The following ZDHHC17 variants were observed in gnomAD, a reference collection of about 807,000 sequenced individuals.
ZDHHC17 encodes the protein palmitoyltransferase ZDHHC17.
ZDHHC17 carries 40 observed loss-of-function variants against 90.3 expected under a neutral mutation model. That is an observed-to-expected ratio of 0.44 (90% confidence interval 0.34 to 0.58). ZDHHC17 has a LOEUF of 0.58. Ranked by LOEUF, ZDHHC17 falls within the 20% of genes least tolerant of loss-of-function variation. The pLI is 0.01. For missense variants in ZDHHC17, 614 were observed against 780.8 expected, an observed-to-expected ratio of 0.79 and a Z score of 2.55; for synonymous variants, 235 against 252.4, an observed-to-expected ratio of 0.93 and a Z score of 0.65.
intron 1 of ZDHHC17, among the ~76,000 whole-genome samples, chr12:76,779,545 C>G (rs1391792279): frequency 6.6e-6 from 1 of 152,140 alleles, no homozygotes; most frequent in Non-Finnish European, 1.5e-5. Flanking sequence ...ATTCAATTAC[C>G]TCCTACCAAT....
At chr12:76,850,744 T>TAATA in intron 16 of ZDHHC17, 103 bp from the exon 17 acceptor site, 1 of 1,446,702 alleles carries the variant, frequency 6.9e-7, no homozygotes, top group Non-Finnish European at 9.3e-7. Context: ...CCTGAGTTTT[T>TAATA]AAGTTTAGAA....
intron 2 of ZDHHC17, among the ~76,000 whole-genome samples, chr12:76,801,586 G>A (rs953531922): frequency 2.0e-5 from 3 of 151,970 alleles, no homozygotes; most frequent in South Asian, 2.1e-4. Context: ...CCTGGGAGGC[G>A]GAGCTTGCAG....
In ZDHHC17 at chr12:76,764,244, GGGA is replaced by G; in HGVS notation, c.14_16del (p.Glu5del). ...GAAACGCTTTCTCCCAGCATGCAGC[GGGA>G]GGAGGGATTTAACACCAAGATGGCG... On this transcript the variant is annotated inframe_deletion, in exon 1 of 17. Transcript: ENST00000426126. 6.2e-7 allele frequency: 1 copy of G among 1,601,590 alleles called. No individual in the cohort carries two copies. Among genetic ancestry groups the G allele is most frequent in the Non-Finnish European group, 8.5e-7 (1 of 1,174,246 alleles).
intron 1 of ZDHHC17, among the ~76,000 whole-genome samples, chr12:76,768,552 G>A (rs1026427267): frequency 6.6e-6 from 1 of 152,190 alleles, no homozygotes; most frequent in African/African-American, 2.4e-5. Flanking sequence ...AACACTGGAC[G>A]ATTCAAATAA....
intron 14 of ZDHHC17, among the ~76,000 whole-genome samples, chr12:76,847,043 T>C (rs1163186218): frequency 6.6e-6 from 1 of 152,218 alleles, no homozygotes; most frequent in Non-Finnish European, 1.5e-5. Context: ...TACCAAGCAG[T>C]TGGGAAAATA....
intron 5 of ZDHHC17, chr12:76,813,489 C>G (rs1230048967): frequency 3.1e-6 from 1 of 325,886 alleles, no homozygotes; most frequent in Non-Finnish European, 6.1e-6. Flanking sequence ...AAATGCTTTA[C>G]TTATCTAATG....
At chr12:76,774,309 TAC>T (rs555009020) in intron 1 of ZDHHC17, among the ~76,000 whole-genome samples, 27 of 149,150 alleles carry the variant, frequency 1.8e-4, no homozygotes, top group East Asian at 5.9e-4. Context: ...TATATATATA[TAC>T]ACACACACAC....
At position 76,767,171 on chromosome 12, in the gene ZDHHC17, A is replaced by G. The variant is rs933342872; in HGVS notation, c.93+2842A>G. Among the ~76,000 whole-genome samples, 4 of 152,218 alleles carry G rather than the reference A, an allele frequency of 2.6e-5. No homozygotes were observed. In the South Asian group the frequency reaches 6.2e-4, roughly 24 times the overall value. On this transcript the variant is annotated intron_variant, in intron 1 of 16. Transcript: ENST00000426126. ...ACTTCTTTTTTCTCTACCAGAAGAAAGGGAAGTGTTACACATTTATTTTGG... is the reference window on the plus strand; with the variant it reads ...ACTTCTTTTTTCTCTACCAGAAGAAGGGGAAGTGTTACACATTTATTTTGG...
intron 10 of ZDHHC17, chr12:76,840,245 C>T (rs1239379455): frequency 6.6e-6 from 1 of 151,050 alleles, no homozygotes; most frequent in Non-Finnish European, 1.5e-5. Flanking sequence ...TTGTTTCTGT[C>T]TTTATGCTTT....
At position 76,815,867 on chromosome 12, in the gene ZDHHC17, A is replaced by G. The variant is rs777356275; in HGVS notation, c.619A>G (p.Thr207Ala). 3 of 1,525,348 alleles carry G rather than the reference A, an allele frequency of 2.0e-6. No homozygotes were observed. Among genetic ancestry groups the G allele is most frequent in the South Asian group, 2.6e-5 (2 of 77,668 alleles). 94.5% of individuals were successfully genotyped at this position (1,525,348 alleles called of 1,614,324 possible). A position where few individuals can be genotyped will look rare whatever the true frequency, so the allele number is the denominator to read the frequency against. ...AAYRTHSVDPTRLLLTFNVSV... is the reference protein window; with the variant it reads ...AAYRTHSVDPARLLLTFNVSV... ...TTTTTTCCTTTTCAGTGTGGATCCAACTAGATTGCTTTTAACATTCAATGT... is the reference window on the plus strand; with the variant it reads ...TTTTTTCCTTTTCAGTGTGGATCCAGCTAGATTGCTTTTAACATTCAATGT... Residue 207 changes from threonine to alanine, a missense_variant, in exon 7 of 17, where the codon ACT (threonine) becomes GCT (alanine). Physicochemically the swap from Thr to Ala is moderately conservative, Grantham distance 58. Transcript: ENST00000426126.
chr12:76,841,077 G>A (rs953008811), intron 10 of ZDHHC17: 3 of 152,182 alleles, frequency 2.0e-5, no homozygotes, highest in Non-Finnish European at 2.9e-5. Flanking sequence ...GAGAAAAAAG[G>A]AAAAGATAAG....
intron 1 of ZDHHC17, among the ~76,000 whole-genome samples, chr12:76,787,703 A>G (rs1435605012): frequency 6.6e-6 from 1 of 152,016 alleles, no homozygotes; most frequent in Non-Finnish European, 1.5e-5. Flanking sequence ...ATTCAAAGGT[A>G]TCTAAAATCA....
chr12:76,850,655 CATT>C lies in ZDHHC17; in HGVS notation c.1761-191_1761-189del, dbSNP rs755420819. Reference sequence around the variant, plus strand: ...TCTTTAAATTGGCAAAAGAAAAAATCATTGTTGGCAGAGCAGTGGAGAAACATG... The same window carrying C: ...TCTTTAAATTGGCAAAAGAAAAAATCGTTGGCAGAGCAGTGGAGAAACATG... On this transcript the variant is annotated intron_variant, in intron 16 of 16. Coordinates refer to ENST00000426126, the MANE Select transcript of ZDHHC17 (RefSeq NM_015336.4). Among the ~76,000 whole-genome samples, 182 of 152,176 alleles carry C rather than the reference CATT, an allele frequency of 1.2e-3. 1 individual carries two copies. The highest frequency in any genetic ancestry group is 3.4e-3 in the Middle Eastern group (1 of 294).
chr12:76,768,106 G>A (rs1055232557), intron 1 of ZDHHC17, among the ~76,000 whole-genome samples: 3 of 152,194 alleles, frequency 2.0e-5, no homozygotes, highest in African/African-American at 7.2e-5. Flanking sequence ...AGGCTGCCAA[G>A]CAAATTGTAC....
chr12:76,781,235 A>C (rs1036591064), intron 1 of ZDHHC17, among the ~76,000 whole-genome samples: 1 of 152,198 alleles, frequency 6.6e-6, no homozygotes, highest in African/African-American at 2.4e-5. Flanking sequence ...CTTGAAAGAT[A>C]GTTGAAGATA....
At chr12:76,791,885 TA>T (rs1390136408) in intron 1 of ZDHHC17, among the ~76,000 whole-genome samples, 1 of 152,108 alleles carries the variant, frequency 6.6e-6, no homozygotes, top group Non-Finnish European at 1.5e-5. Context: ...CAGTTTATTA[TA>T]AAGGATACAA....
In ZDHHC17 at chr12:76,804,353, A is replaced by G. The variant is rs569147458; in HGVS notation, c.198-964A>G. On this transcript the variant is annotated intron_variant, in intron 2 of 16. Coordinates refer to ENST00000426126, the MANE Select transcript of ZDHHC17 (RefSeq NM_015336.4). ...AAAACCAAATTAGACTCACTCTCCT[A>G]TGAGGAAGATAGTAAATGACTTCTA... Among the ~76,000 whole-genome samples, 69 of 152,350 alleles carry G rather than the reference A, an allele frequency of 4.5e-4. 1 individual carries two copies. In the South Asian group the frequency reaches 0.014, roughly 32 times the overall value.
At chr12:76,798,087 T>A (rs896201458) in intron 2 of ZDHHC17, among the ~76,000 whole-genome samples, 3 of 152,180 alleles carry the variant, frequency 2.0e-5, no homozygotes, top group African/African-American at 7.2e-5. Flanking sequence ...TTAAGGTTAC[T>A]TATGGTGAGT....
At chr12:76,800,448 T>C (rs1466916919) in intron 2 of ZDHHC17, among the ~76,000 whole-genome samples, 1 of 152,226 alleles carries the variant, frequency 6.6e-6, no homozygotes, top group Non-Finnish European at 1.5e-5. Context: ...TTGAAGTCTC[T>C]AGCTCTTACT....
Sources: gnomAD v4.1 joint callset for allele counts (sites outside exome capture counted in the v4.1 genomes callset) on GRCh38, gnomAD v4.1.1 for gene constraint, MANE v1.5 for transcripts, NCBI Gene and HGNC (gene_info 2026-07-23, HGNC 2026-07-21) for gene names.